Variants in VWA8 observed in about 807,000 individuals in gnomAD.
VWA8 encodes von Willebrand factor A domain-containing protein 8.
A neutral mutation model predicts 241.5 loss-of-function variants in VWA8; 221 were observed. The observed-to-expected ratio is 0.91, with a 90% confidence interval of 0.82 to 1.02. The LOEUF (loss-of-function observed/expected upper bound fraction) is 1.02, where lower values mean the gene tolerates loss of function less well. Ranked by LOEUF, VWA8 falls within the 50% of genes least tolerant of loss-of-function variation. The pLI is 0.00. For synonymous variants in VWA8, 852 were observed against 827.1 expected, an observed-to-expected ratio of 1.03 and a Z score of -0.52; for missense variants, 2,322 against 2,328.7, an observed-to-expected ratio of 1.00 and a Z score of 0.06.
At chr13:41,702,026 C>T (rs569183046) in intron 27 of VWA8, among the ~76,000 whole-genome samples, 2 of 152,146 alleles carry the variant, frequency 1.3e-5, no homozygotes, top group East Asian at 3.9e-4. Context: ...TTTAAAAAAC[C>T]AAACTTACTG....
intron 43 of VWA8, among the ~76,000 whole-genome samples, chr13:41,575,244 A>G (rs1477151797): frequency 6.6e-6 from 1 of 152,076 alleles, no homozygotes; most frequent in Non-Finnish European, 1.5e-5. Flanking sequence ...GATATAATGG[A>G]CTTTGGGGAC....
chr13:41,770,914 A>C, intron 20 of VWA8, among the ~76,000 whole-genome samples: 1 of 150,838 alleles, frequency 6.6e-6, no homozygotes, highest in Non-Finnish European at 1.5e-5. Flanking sequence ...AAAAAAAAAA[A>C]AAAAAAAAGC....
At chr13:41,582,582 T>C (rs2044390342) in intron 42 of VWA8, among the ~76,000 whole-genome samples, 1 of 152,198 alleles carries the variant, frequency 6.6e-6, no homozygotes, top group Admixed American at 6.5e-5. Context: ...ATGGAATATA[T>C]ATTTTTCTCT....
Position 41,898,507 on chromosome 13 carries a change from G to T in VWA8, c.484-6920C>A, listed in dbSNP as rs570482640. Among the ~76,000 whole-genome samples, 394 of 152,376 alleles carry T rather than the reference G, an allele frequency of 2.6e-3. 1 individual carries two copies. In the Middle Eastern group the frequency reaches 0.027, roughly 11 times the overall value. On this transcript the variant is annotated intron_variant, in intron 4 of 44. Transcript: ENST00000379310. The stretch of plus-strand genomic sequence containing the variant: ...CATCCCCACCAGACTCAGGAGCCCA[G>T]CTGGCTTCACCCAGTGGATCCCGCA...
At chr13:41,915,118 G>A (rs553316382) in intron 2 of VWA8, among the ~76,000 whole-genome samples, 2 of 152,182 alleles carry the variant, frequency 1.3e-5, no homozygotes, top group Non-Finnish European at 2.9e-5. Flanking sequence ...GCAGAATTGA[G>A]GTTATAGCCA....
intron 2 of VWA8, chr13:41,925,497 G>A (rs1876787811): frequency 6.5e-6 from 1 of 152,716 alleles, no homozygotes; most frequent in African/African-American, 2.4e-5. Flanking sequence ...TCTGAGGAGT[G>A]CGTAAAAGTC....
chr13:41,591,846 G>A (rs2139648075), intron 40 of VWA8, among the ~76,000 whole-genome samples: 1 of 146,596 alleles, frequency 6.8e-6, no homozygotes, highest in South Asian at 2.3e-4. Flanking sequence ...GGAGAAATAG[G>A]AACACTTTTA....
chr13:41,659,033 A>C (rs2044930445), intron 37 of VWA8, among the ~76,000 whole-genome samples: 1 of 152,250 alleles, frequency 6.6e-6, no homozygotes. Context: ...TCAATGGATG[A>C]ACAAGAAGGA....
intron 2 of VWA8, among the ~76,000 whole-genome samples, chr13:41,938,769 A>AT (rs1057069697): frequency 6.6e-6 from 1 of 151,742 alleles, no homozygotes; most frequent in Non-Finnish European, 1.5e-5. Flanking sequence ...TGCATCTTTG[A>AT]TTTTTTCCCA....
At chr13:41,748,977 G>T (rs762030587) in intron 21 of VWA8, among the ~76,000 whole-genome samples, 11 of 152,148 alleles carry the variant, frequency 7.2e-5, no homozygotes, top group Admixed American at 3.3e-4. Context: ...AACACCAAAA[G>T]CAACTGCAAC....
intron 8 of VWA8, 36 bp from the exon 9 acceptor site, chr13:41,883,527 A>G (rs770151445): frequency 9.6e-6 from 14 of 1,465,636 alleles, no homozygotes; most frequent in Middle Eastern, 3.5e-4. Context: ...AATGAGCAAA[A>G]TTCAAAATAA....
chr13:41,789,287 G>A (rs1219702729), intron 17 of VWA8, among the ~76,000 whole-genome samples: 2 of 151,702 alleles, frequency 1.3e-5, no homozygotes, highest in Non-Finnish European at 2.9e-5. Flanking sequence ...TCCTCCCTTG[G>A]CCTTGGTAAA....
chr13:41,925,506 T>C (rs1876788281), intron 2 of VWA8: 1 of 152,768 alleles, frequency 6.5e-6, no homozygotes, highest in South Asian at 2.1e-4. Flanking sequence ...TGCGTAAAAG[T>C]CTAGAGTTTT....
At chr13:41,791,789 A>G (rs755726211) in intron 17 of VWA8, among the ~76,000 whole-genome samples, 28 of 151,878 alleles carry the variant, frequency 1.8e-4, no homozygotes, top group Non-Finnish European at 4.0e-4. Context: ...TTCATTTCCT[A>G]CTGATGGACA....
intron 12 of VWA8, among the ~76,000 whole-genome samples, chr13:41,833,806 A>T (rs1011271163): frequency 1.3e-5 from 2 of 152,152 alleles, no homozygotes; most frequent in African/African-American, 4.8e-5. Flanking sequence ...TCCGCTTTTA[A>T]AATGTTCGTT....
At chr13:41,847,626 C>A (rs549766990) in intron 12 of VWA8, among the ~76,000 whole-genome samples, 1 of 152,244 alleles carries the variant, frequency 6.6e-6, no homozygotes, top group Admixed American at 6.5e-5. Context: ...GGTCCCACCT[C>A]CCACCAATTA....
intron 37 of VWA8, among the ~76,000 whole-genome samples, chr13:41,659,810 T>C (rs183173085): frequency 6.6e-6 from 1 of 152,338 alleles, no homozygotes; most frequent in East Asian, 1.9e-4. Flanking sequence ...TCAGAAACTG[T>C]TACGTGTCCT....
intron 15 of VWA8, 137 bp downstream of exon 15, chr13:41,819,081 A>T: frequency 1.2e-6 from 1 of 827,554 alleles, no homozygotes; most frequent in South Asian, 2.1e-5. Context: ...ACTGACCTTC[A>T]CCACTGTATG....
rs1195010045 is a variant in VWA8 at position 41,568,120 on chromosome 13, T to C, written c.*77A>G. 1.6e-6 allele frequency: 2 copies of C among 1,262,330 alleles called. No individual in the cohort carries two copies. Among genetic ancestry groups the C allele is most frequent in the Non-Finnish European group, 2.3e-6 (2 of 871,676 alleles). The allele number at this position is 1,262,330 out of a possible 1,614,324, so 78.2% of individuals were successfully genotyped here. On this transcript the variant is annotated 3_prime_UTR_variant, in exon 45 of 45. Coordinates refer to ENST00000379310, the MANE Select transcript of VWA8 (RefSeq NM_015058.2). ...ACTGCATGGGTTCACTTCATCCATA[T>C]CTTCTTTTTTTCAGAATACTCTTTA...
Sources: gnomAD v4.1 joint callset for allele counts (sites outside exome capture counted in the v4.1 genomes callset) on GRCh38, gnomAD v4.1.1 for gene constraint, MANE v1.5 for transcripts, NCBI Gene and HGNC (gene_info 2026-07-23, HGNC 2026-07-21) for gene names.